The following JAK2 variants were observed in gnomAD, a reference collection of about 807,000 sequenced individuals.
The protein encoded by JAK2 is Janus kinase 2.
A neutral mutation model predicts 139.3 loss-of-function variants in JAK2; 86 were observed. That is an observed-to-expected ratio of 0.62 (90% CI 0.52 to 0.74). JAK2 has a LOEUF of 0.74. JAK2 is among the 30% of genes least tolerant of loss of function. The pLI is 0.00. For missense variants in JAK2, 1,421 were observed against 1,360.3 expected (o/e 1.04, Z -0.70); for synonymous variants, 490 against 437.7 (o/e 1.12, Z -1.49).
chr9:5,016,581 C>G (rs1350621084), intron 2 of JAK2, among the ~76,000 whole-genome samples: 1 of 152,106 alleles, frequency 6.6e-6, no homozygotes. Flanking sequence ...GTGTAACACA[C>G]AAACAGGAAA....
At chr9:4,990,509 C>G (rs980246394) in intron 2 of JAK2, among the ~76,000 whole-genome samples, 1 of 151,752 alleles carries the variant, frequency 6.6e-6, no homozygotes, top group African/African-American at 2.4e-5. Flanking sequence ...AATTTGTTAG[C>G]GAAGTTAAGG....
rs756011323 is a variant in JAK2 at position 5,080,423 on chromosome 9, C to G, written c.2283+43C>G. On this transcript the variant is annotated intron_variant, in intron 17 of 24. Coordinates refer to ENST00000381652, the MANE Select transcript of JAK2 (RefSeq NM_004972.4). Reference sequence around the variant, plus strand: ...AAGTTAGAATTACTCTATCTCTGAACTTTCATATTTCTTTCACATGATTTG... The same window carrying G: ...AAGTTAGAATTACTCTATCTCTGAAGTTTCATATTTCTTTCACATGATTTG... 65 of 1,531,990 alleles carry G rather than the reference C, an allele frequency of 4.2e-5. No individual in the cohort carries two copies. In the Admixed American group the frequency reaches 9.1e-4, roughly 21 times the overall value. The allele number at this position is 1,531,990 out of a possible 1,614,324, so 94.9% of individuals were successfully genotyped here. A position where few individuals can be genotyped will look rare whatever the true frequency, so the allele number is the denominator to read the frequency against.
intron 4 of JAK2, among the ~76,000 whole-genome samples, chr9:5,031,965 G>A (rs78720878): frequency 3.3e-5 from 5 of 152,250 alleles, no homozygotes; most frequent in African/African-American, 9.6e-5. Flanking sequence ...GCGAGGCATC[G>A]CCACACCCGG....
intron 19 of JAK2, among the ~76,000 whole-genome samples, chr9:5,084,134 C>G (rs1398664989): frequency 6.6e-6 from 1 of 152,028 alleles, no homozygotes; most frequent in Non-Finnish European, 1.5e-5. Context: ...TGAAGAGACT[C>G]TAAGGAAGGC....
In JAK2 at chr9:5,127,296, A is replaced by G. The variant is rs1824064690; in HGVS notation, c.*505A>G. 4.3e-6 allele frequency: 1 copy of G among 232,212 alleles called. No homozygotes were observed. Among genetic ancestry groups the G allele is most frequent in the Admixed American group, 5.6e-5 (1 of 17,700 alleles). 14.4% of individuals were successfully genotyped at this position (232,212 alleles called of 1,614,324 possible). ...AATTAATTACTTCACTATACAAACAAATTAAGATGTTCAGATAATTGAATA... is the reference window on the plus strand; with the variant it reads ...AATTAATTACTTCACTATACAAACAGATTAAGATGTTCAGATAATTGAATA... On this transcript the variant is annotated 3_prime_UTR_variant, in exon 25 of 25. Transcript: ENST00000381652.
intron 22 of JAK2, chr9:5,097,479 A>T (rs1279965087): frequency 6.6e-6 from 1 of 152,208 alleles, no homozygotes; most frequent in Non-Finnish European, 1.5e-5. Context: ...GCATAGTATG[A>T]GCCATAATAT....
At chr9:5,006,111 T>C (rs1821283548) in intron 2 of JAK2, among the ~76,000 whole-genome samples, 2 of 152,308 alleles carry the variant, frequency 1.3e-5, no homozygotes, top group Admixed American at 1.3e-4. Flanking sequence ...CGATATTGAT[T>C]CTTCCTACCC....
chr9:5,050,506 A>T (rs1198325778), intron 5 of JAK2, among the ~76,000 whole-genome samples, 180 bp from the exon 6 acceptor site: 1 of 152,190 alleles, frequency 6.6e-6, no homozygotes, highest in Non-Finnish European at 1.5e-5. Flanking sequence ...CCTGGGCTCA[A>T]GTGATCTTCA....
intron 8 of JAK2, among the ~76,000 whole-genome samples, chr9:5,057,710 T>C: frequency 6.6e-6 from 1 of 150,882 alleles, no homozygotes; most frequent in East Asian, 2.0e-4. Flanking sequence ...AGCCTCCCGA[T>C]AGCTGGGATT....
At chr9:5,021,649 C>T (rs1356132240) in intron 2 of JAK2, among the ~76,000 whole-genome samples, 2 of 152,138 alleles carry the variant, frequency 1.3e-5, no homozygotes, top group Admixed American at 6.5e-5. Flanking sequence ...ATTTTTGAGA[C>T]AGGGTCTTGC....
chr9:5,034,433 T>C (rs1823416373), intron 4 of JAK2, among the ~76,000 whole-genome samples: 1 of 152,068 alleles, frequency 6.6e-6, no homozygotes, highest in Non-Finnish European at 1.5e-5. Flanking sequence ...ATCAACAGAA[T>C]ATATATTTTC....
chr9:5,121,801 T>C (rs1823634251), intron 22 of JAK2, among the ~76,000 whole-genome samples: 2 of 152,060 alleles, frequency 1.3e-5, no homozygotes, highest in African/African-American at 4.8e-5. Flanking sequence ...TACCCTTACA[T>C]AAGTGATAGA....
At chr9:5,007,100 T>C (rs1821354889) in intron 2 of JAK2, among the ~76,000 whole-genome samples, 2 of 152,086 alleles carry the variant, frequency 1.3e-5, no homozygotes, top group South Asian at 4.1e-4. Context: ...CTTTTCTTTA[T>C]TTTATTTTTA....
chr9:5,077,400 TTTAA>T, intron 14 of JAK2, 49 bp from the exon 15 acceptor site: 1 of 611,898 alleles, frequency 1.6e-6, no homozygotes, highest in Non-Finnish European at 2.4e-6. Context: ...ATTACATATA[TTTAA>T]TTATATTTAT....
intron 5 of JAK2, among the ~76,000 whole-genome samples, chr9:5,046,324 A>T (rs1313631137): frequency 6.6e-6 from 1 of 152,194 alleles, no homozygotes; most frequent in Non-Finnish European, 1.5e-5. Context: ...TATAAGATAC[A>T]TGATTTGTAG....
Position 5,054,657 on chromosome 9 carries a change from A to T in JAK2, c.709A>T (p.Ile237Phe), listed in dbSNP as rs376125987. The T allele has an allele frequency of 3.4e-5, 55 of 1,613,242 alleles. No homozygotes were observed. Among genetic ancestry groups the T allele is most frequent in the Non-Finnish European group, 4.3e-5 (51 of 1,179,404 alleles). ...KRIRYRFRRF[I>F]QQFSQCKATA... ...AATAAGGTACAGATTTCGCAGATTT[A>T]TTCAGCAATTCAGCCAATGCAAAGC... Residue 237 changes from isoleucine (I) to phenylalanine (F), a missense_variant, in exon 7 of 25, where the codon ATT becomes TTT. By Grantham distance (21) the Ile-to-Phe change is conservative. Transcript: ENST00000381652. This position sits in a 1 kb window ranked among gnomAD's most constrained non-coding sequence, Gnocchi z 4.9.
At chr9:5,094,790 A>G (rs1820856907) in intron 22 of JAK2, 1 of 152,070 alleles carries the variant, frequency 6.6e-6, no homozygotes, top group Non-Finnish European at 1.5e-5. Flanking sequence ...GACTACTACT[A>G]TTTTTCTAGG....
Position 5,050,594 on chromosome 9 carries a change from T to C in JAK2, c.469-92T>C, listed in dbSNP as rs1003668607. On this transcript the variant is annotated intron_variant, in intron 5 of 24. Coordinates refer to ENST00000381652, the MANE Select transcript of JAK2 (RefSeq NM_004972.4). ...CCAATTTGTATCTTGTAAATGCATA[T>C]GTTCTGAAAATTATGATTAAAATAT... 3 of 1,319,982 alleles carry C rather than the reference T, an allele frequency of 2.3e-6. No individual in the cohort carries two copies. The African/African-American group carries it at 4.5e-5, about 20-fold the overall frequency. The allele number at this position is 1,319,982 out of a possible 1,614,324, so 81.8% of individuals were successfully genotyped here.
intron 22 of JAK2, among the ~76,000 whole-genome samples, chr9:5,092,793 G>T (rs115241356): frequency 1.1e-3 from 175 of 152,300 alleles, no homozygotes; most frequent in African/African-American, 4.1e-3. Context: ...AGCCTATCAA[G>T]CCTGCTGATA....
Sources: allele counts gnomAD v4.1 joint callset (sites outside exome capture counted in the v4.1 genomes callset), GRCh38; gene constraint gnomAD v4.1.1; non-coding constraint Gnocchi (gnomAD v3.1); transcripts MANE v1.5; gene names NCBI Gene and HGNC (gene_info 2026-07-23, HGNC 2026-07-21).